The following CGGBP1 variants were observed in gnomAD, a reference collection of about 807,000 sequenced individuals.
The protein encoded by CGGBP1 is CGG triplet repeat binding protein 1, also known as CGG triplet repeat-binding protein 1.
Under a neutral mutation model 11.4 loss-of-function variants are expected in CGGBP1, and 4 were observed. The ratio of observed to expected loss-of-function variants is 0.35; its 90% CI spans 0.17 to 0.80. The LOEUF (loss-of-function observed/expected upper bound fraction) is 0.80, where lower values mean the gene tolerates loss of function less well. Among genes scored for constraint, CGGBP1 ranks in the 30% least tolerant of loss-of-function variants. The pLI, the probability that CGGBP1 is intolerant of heterozygous loss-of-function variation, is 0.52. For synonymous variants in CGGBP1, 76 were observed against 74.1 expected (o/e 1.03, Z -0.13); for missense variants, 135 against 202.1 (o/e 0.67, Z 2.01).
intron 2 of CGGBP1, among the ~76,000 whole-genome samples, chr3:88,064,587 T>G (rs931677343): frequency 4.6e-5 from 7 of 152,188 alleles, no homozygotes; most frequent in African/African-American, 1.4e-4. Context: ...TGGGGTTGAT[T>G]CAAGCACACA....
intron 2 of CGGBP1, among the ~76,000 whole-genome samples, chr3:88,076,264 C>T (rs528646271): frequency 2.0e-5 from 3 of 152,268 alleles, no homozygotes; most frequent in Non-Finnish European, 2.9e-5. Context: ...GTTGGATCTC[C>T]GGTCTGGTTC....
chr3:88,073,332 T>A (rs1212802012), intron 2 of CGGBP1, among the ~76,000 whole-genome samples: 1 of 152,166 alleles, frequency 6.6e-6, no homozygotes, highest in African/African-American at 2.4e-5. Context: ...ATAATAAGAT[T>A]GGAAAAATAG....
chr3:88,085,352 T>C (rs73148006), intron 2 of CGGBP1, among the ~76,000 whole-genome samples: 10,262 of 152,276 alleles, frequency 0.067, 476 homozygotes, highest in Non-Finnish European at 0.1. Flanking sequence ...ATGAACCTGG[T>C]TGTGTTCCAA....
intron 2 of CGGBP1, among the ~76,000 whole-genome samples, chr3:88,129,398 C>G (rs1221984545): frequency 6.7e-6 from 1 of 148,440 alleles, no homozygotes; most frequent in African/African-American, 2.5e-5. Context: ...AGGTAAAATG[C>G]TCATGTTTAT....
At chr3:88,066,407 C>T (rs1707201489) in intron 2 of CGGBP1, among the ~76,000 whole-genome samples, 1 of 151,838 alleles carries the variant, frequency 6.6e-6, no homozygotes, top group South Asian at 2.1e-4. Flanking sequence ...AACCCTATCT[C>T]TACAAAAAAA....
intron 1 of CGGBP1, chr3:88,142,771 A>G (rs1707193982): frequency 6.6e-6 from 1 of 152,336 alleles, no homozygotes; most frequent in Non-Finnish European, 1.5e-5. Context: ...TAATTTTTAT[A>G]TGTAAAAGGA....
intron 2 of CGGBP1, among the ~76,000 whole-genome samples, chr3:88,090,840 A>G (rs910089131): frequency 6.6e-6 from 1 of 152,176 alleles, no homozygotes; most frequent in Non-Finnish European, 1.5e-5. Context: ...ATACAGTAAC[A>G]CTGACGACAT....
chr3:88,077,381 T>C (rs1395956816), intron 2 of CGGBP1, among the ~76,000 whole-genome samples: 1 of 151,104 alleles, frequency 6.6e-6, no homozygotes, highest in Non-Finnish European at 1.5e-5. Flanking sequence ...TTGCCCAGGC[T>C]GGAGTACAGT....
chr3:88,118,771 A>C (rs1271630177), intron 2 of CGGBP1, among the ~76,000 whole-genome samples: 3 of 152,198 alleles, frequency 2.0e-5, no homozygotes, highest in African/African-American at 7.2e-5. Flanking sequence ...TTCTGCTCAA[A>C]TAATTCTCTC....
At chr3:88,081,497 T>G (rs914804457) in intron 2 of CGGBP1, among the ~76,000 whole-genome samples, 2 of 152,222 alleles carry the variant, frequency 1.3e-5, no homozygotes, top group African/African-American at 4.8e-5. Context: ...GTTTGTCTTT[T>G]TCCTTCTTTC....
intron 2 of CGGBP1, among the ~76,000 whole-genome samples, chr3:88,079,751 TTC>T (rs1469695082): frequency 1.3e-5 from 2 of 152,082 alleles, no homozygotes; most frequent in African/African-American, 4.8e-5. Flanking sequence ...TTTGAAAAGA[TTC>T]TGTCTTATTA....
At chr3:88,063,096 G>A (rs1339495773), upstream of CGGBP1, among the ~76,000 whole-genome samples, 1 of 152,118 alleles carries the variant, frequency 6.6e-6, no homozygotes, top group Non-Finnish European at 1.5e-5. Flanking sequence ...GGAGACATTT[G>A]GCAATGTCAG....
rs572727667 is a variant in CGGBP1 at position 88,053,438 on chromosome 3, T to C, written c.*2035A>G. 6.6e-6 allele frequency: 1 copy of C among 152,232 alleles called. No homozygotes were observed. Among genetic ancestry groups the C allele is most frequent in the South Asian group, 2.1e-4 (1 of 4,824 alleles). 9.4% of individuals were successfully genotyped at this position (152,232 alleles called of 1,614,324 possible). A position where few individuals can be genotyped will look rare whatever the true frequency, so the allele number is the denominator to read the frequency against. On this transcript the variant is annotated 3_prime_UTR_variant, in exon 4 of 4. Transcript: ENST00000482016. ...GAGTCTGAAAAAATACATTAAGATA[T>C]ATAAAATTTAAGTGATTATCAAATC...
At chr3:88,079,974 T>C (rs375699313) in intron 2 of CGGBP1, among the ~76,000 whole-genome samples, 22 of 152,092 alleles carry the variant, frequency 1.4e-4, no homozygotes, top group African/African-American at 4.8e-4. Flanking sequence ...AACATGACTT[T>C]TAGATTTCCA....
intron 2 of CGGBP1, among the ~76,000 whole-genome samples, chr3:88,075,184 A>G (rs1180208937): frequency 6.6e-6 from 1 of 152,186 alleles, no homozygotes; most frequent in African/African-American, 2.4e-5. Context: ...CTTGTGCTGA[A>G]CTAAGTGTGG....
intron 2 of CGGBP1, among the ~76,000 whole-genome samples, chr3:88,099,588 C>G (rs1704281151): frequency 6.6e-6 from 1 of 152,080 alleles, no homozygotes; most frequent in Admixed American, 6.6e-5. Flanking sequence ...TACAAGGCTA[C>G]AGTAACCAAA....
chr3:88,083,637 G>C (rs1708192050), intron 2 of CGGBP1, among the ~76,000 whole-genome samples: 1 of 152,158 alleles, frequency 6.6e-6, no homozygotes, highest in Non-Finnish European at 1.5e-5. Flanking sequence ...ATCCATAAAA[G>C]ATTGCTAGCC....
intron 2 of CGGBP1, among the ~76,000 whole-genome samples, chr3:88,109,915 T>C (rs1704987159): frequency 1.3e-5 from 2 of 152,144 alleles, no homozygotes; most frequent in African/African-American, 4.8e-5. Context: ...AAGAAATCTT[T>C]TGATGAGTTT....
At chr3:88,120,010 C>A (rs1163351086) in intron 2 of CGGBP1, among the ~76,000 whole-genome samples, 1 of 151,612 alleles carries the variant, frequency 6.6e-6, no homozygotes, top group Non-Finnish European at 1.5e-5. Context: ...TTTAAATATT[C>A]TTTTTTTCAA....
Sources: allele counts gnomAD v4.1 joint callset (sites outside exome capture counted in the v4.1 genomes callset), GRCh38; gene constraint gnomAD v4.1.1; transcripts MANE v1.5; gene names NCBI Gene and HGNC (gene_info 2026-07-23, HGNC 2026-07-21).